DNAJC21: variants seen among roughly 807,000 people sequenced by gnomAD.
DNAJC21 encodes the protein dnaJ homolog subfamily C member 21.
DNAJC21 carries 63 observed loss-of-function variants against 72.4 expected under a neutral mutation model. That is an observed-to-expected ratio of 0.87 (90% confidence interval 0.71 to 1.07). The LOEUF (loss-of-function observed/expected upper bound fraction) is 1.07. Among genes scored for constraint, DNAJC21 ranks in the 50% least tolerant of loss-of-function variants. The probability of loss-of-function intolerance (pLI) is 0.00; values close to 1 mark genes in which losing one functional copy is unlikely to be tolerated. For synonymous variants in DNAJC21, 203 were observed against 216.7 expected, an observed-to-expected ratio of 0.94 and a Z score of 0.56; for missense variants, 634 against 644.8, an observed-to-expected ratio of 0.98 and a Z score of 0.18.
chr5:34,948,580 G>C (rs1221044855), intron 9 of DNAJC21, among the ~76,000 whole-genome samples: 2 of 152,148 alleles, frequency 1.3e-5, no homozygotes, highest in South Asian at 2.1e-4. Context: ...AAAATAGTGA[G>C]AGCTGGCCAG....
At chr5:34,937,722 A>G in intron 5 of DNAJC21, 92 bp downstream of exon 5, 1 of 1,447,480 alleles carries the variant, frequency 6.9e-7, no homozygotes, top group South Asian at 1.4e-5. Context: ...GGGTTCAGTC[A>G]TCAGCCTGGC....
At chr5:34,954,435 C>T (rs1765471976) in intron 11 of DNAJC21, 118 bp from the exon 12 acceptor site, 1 of 1,256,110 alleles carries the variant, frequency 8.0e-7, no homozygotes, top group Non-Finnish European at 1.1e-6. Context: ...TACCTGTCCA[C>T]TCTGTTAAAA....
chr5:34,956,456 T>C lies in DNAJC21; in HGVS notation c.*1742T>C, dbSNP rs1431708268. 2 of 152,216 alleles carry C rather than the reference T, an allele frequency of 1.3e-5. No homozygotes were observed. The highest frequency in any genetic ancestry group is 4.8e-5 in the African/African-American group (2 of 41,454). 9.4% of individuals were successfully genotyped at this position (152,216 alleles called of 1,614,324 possible). On this transcript the variant is annotated 3_prime_UTR_variant, in exon 12 of 12. Coordinates refer to ENST00000648817, the MANE Select transcript of DNAJC21 (RefSeq NM_001012339.3). ...CTTCAGGGGGAATACTAGGCAGTTT[T>C]GTATCTTCTGATCTCGTACCCTGAG...
chr5:34,940,060 A>G (rs1235741713), intron 6 of DNAJC21, among the ~76,000 whole-genome samples: 1 of 152,182 alleles, frequency 6.6e-6, no homozygotes, highest in Non-Finnish European at 1.5e-5. Context: ...AAGTCCTTTC[A>G]CGTACAAGCT....
chr5:34,940,661 C>T (rs1206534510), intron 6 of DNAJC21, among the ~76,000 whole-genome samples: 1 of 152,016 alleles, frequency 6.6e-6, no homozygotes, highest in South Asian at 2.1e-4. Flanking sequence ...ATGGCCTATC[C>T]GTCTTACAGT....
At chr5:34,948,045 C>G (rs1022596207) in intron 9 of DNAJC21, among the ~76,000 whole-genome samples, 4 of 152,030 alleles carry the variant, frequency 2.6e-5, no homozygotes, top group African/African-American at 7.2e-5. Flanking sequence ...CTTGACCCCT[C>G]CCCCAAAAAA....
intron 4 of DNAJC21, 132 bp downstream of exon 4, chr5:34,936,398 A>G (rs1218440840): frequency 1.9e-6 from 2 of 1,075,970 alleles, no homozygotes; most frequent in Non-Finnish European, 2.6e-6. Context: ...ATCTCACAGC[A>G]GCCTCAAACT....
Position 34,929,935 on chromosome 5 carries a change from GC to G in DNAJC21, c.97+24del. On this transcript the variant is annotated intron_variant, in intron 1 of 11. Transcript: ENST00000648817. Reference sequence around the variant, plus strand: ...CACCCGGGTAAGTACCTGTCCCGCAGCCCCCGCGGCCACTCGGAGAAGCCCG... The same window carrying G: ...CACCCGGGTAAGTACCTGTCCCGCAGCCCCGCGGCCACTCGGAGAAGCCCG... The G allele has an allele frequency of 1.9e-6, 3 of 1,541,332 alleles. No homozygotes were observed. Among genetic ancestry groups the G allele is most frequent in the East Asian group, 2.6e-5 (1 of 39,128 alleles).
At chr5:34,935,505 A>C (rs1256849328) in intron 2 of DNAJC21, among the ~76,000 whole-genome samples, 1 of 152,210 alleles carries the variant, frequency 6.6e-6, no homozygotes, top group African/African-American at 2.4e-5. Flanking sequence ...ATAATGTATC[A>C]GAAGTTGCAG....
Position 34,956,316 on chromosome 5 carries a change from A to G in DNAJC21, c.*1602A>G, listed in dbSNP as rs982514453. Reference sequence around the variant, plus strand: ...AATAAGCATTTGAACCTTAATTTAAATTCTTTTCTTTTCCATTTAGAGATA... The same window carrying G: ...AATAAGCATTTGAACCTTAATTTAAGTTCTTTTCTTTTCCATTTAGAGATA... On this transcript the variant is annotated 3_prime_UTR_variant, in exon 12 of 12. Transcript: ENST00000648817. 1 of 152,448 alleles carries G rather than the reference A, an allele frequency of 6.6e-6. No individual in the cohort carries two copies. The highest frequency in any genetic ancestry group is 2.4e-5 in the African/African-American group (1 of 41,422). The allele number at this position is 152,448 out of a possible 1,614,324, so 9.4% of individuals were successfully genotyped here. A position where few individuals can be genotyped will look rare whatever the true frequency, so the allele number is the denominator to read the frequency against.
rs1765540058 is a variant in DNAJC21 at position 34,956,388 on chromosome 5, A to G, written c.*1674A>G. The stretch of plus-strand genomic sequence containing the variant: ...ACCTTTCTATTTCTTGCTAATTTCT[A>G]TCACTAATTCCTTATAATTGTCCCT... On this transcript the variant is annotated 3_prime_UTR_variant, in exon 12 of 12. Coordinates refer to ENST00000648817, the MANE Select transcript of DNAJC21 (RefSeq NM_001012339.3). 1 of 151,988 alleles carries G rather than the reference A, an allele frequency of 6.6e-6. No homozygotes were observed. Among genetic ancestry groups the G allele is most frequent in the Non-Finnish European group, 1.5e-5 (1 of 68,014 alleles). 9.4% of individuals were successfully genotyped at this position (151,988 alleles called of 1,614,324 possible). A position where few individuals can be genotyped will look rare whatever the true frequency, so the allele number is the denominator to read the frequency against.
In DNAJC21 at chr5:34,954,644, C is replaced by A. The variant is rs771820807; in HGVS notation, c.1526C>A (p.Ala509Glu). The change falls in exon 12 of 12, where the codon GCA (alanine) becomes GAA (glutamate). Residue 509 changes from alanine (A) to glutamate (E), a missense_variant. Physicochemically the swap from Ala to Glu is moderately radical, Grantham distance 107. Coordinates refer to ENST00000648817, the MANE Select transcript of DNAJC21 (RefSeq NM_001012339.3). ...CTAAAGGCCACAGGTCATGCAAGAGCACCTTCATCATCGTCTTTAAACAGC... is the reference window on the plus strand; with the variant it reads ...CTAAAGGCCACAGGTCATGCAAGAGAACCTTCATCATCGTCTTTAAACAGC... Reference protein sequence around the residue: ...DHLKATGHARAPSSSSLNSAT... With the variant: ...DHLKATGHAREPSSSSLNSAT... 11 of 1,613,570 alleles carry A rather than the reference C, an allele frequency of 6.8e-6. No homozygotes were observed. The South Asian group carries it at 1.2e-4, about 18-fold the overall frequency.
chr5:34,932,419 CA>C (rs769907634), intron 1 of DNAJC21, among the ~76,000 whole-genome samples: 8,632 of 65,614 alleles, frequency 0.13, 217 homozygotes, highest in South Asian at 0.2. Context: ...GACTCCATCT[CA>C]AAAAAAAAAA....
rs566552631 is a variant in DNAJC21, at chr5:34,938,387, C to T, written c.744-471C>T. ...CTGACTCCAGACTTTCCTGCTTTAGCCACCGTGCAGTACTGCCTTTTGGTC... is the reference window on the plus strand; with the variant it reads ...CTGACTCCAGACTTTCCTGCTTTAGTCACCGTGCAGTACTGCCTTTTGGTC... On this transcript the variant is annotated intron_variant, in intron 5 of 11. Coordinates refer to ENST00000648817, the MANE Select transcript of DNAJC21 (RefSeq NM_001012339.3). Among the ~76,000 whole-genome samples the T allele has an allele frequency of 2.6e-4, 39 of 152,302 alleles. No individual in the cohort carries two copies. The South Asian group carries it at 7.7e-3, about 30-fold the overall frequency.
chr5:34,953,957 GA>G lies in DNAJC21; in HGVS notation c.1391del (p.Asp464ValfsTer2). 1.2e-6 allele frequency: 2 copies of G among 1,611,488 alleles called. No individual in the cohort carries two copies. The highest frequency in any genetic ancestry group is 1.7e-6 in the Non-Finnish European group (2 of 1,179,148). On this transcript the variant is annotated frameshift_variant, in exon 11 of 12. Coordinates refer to ENST00000648817, the MANE Select transcript of DNAJC21 (RefSeq NM_001012339.3). LOFTEE classifies it high-confidence loss of function. ...VPKPKGKKTK[D>X]MKKPVRVPAE... Reference sequence around the variant, plus strand: ...TAAACCCAAAGGAAAGAAAACCAAAGATATGAAAAAACCTGTCAGAGTACCT... The same window carrying G: ...TAAACCCAAAGGAAAGAAAACCAAAGTATGAAAAAACCTGTCAGAGTACCT...
At chr5:34,936,589 A>G (rs937182169) in intron 4 of DNAJC21, among the ~76,000 whole-genome samples, 15 of 152,170 alleles carry the variant, frequency 9.9e-5, no homozygotes, top group African/African-American at 3.6e-4. Context: ...GATTACAGGC[A>G]TGAGCCACAG....
intron 7 of DNAJC21, among the ~76,000 whole-genome samples, chr5:34,943,116 A>G (rs996015217): frequency 1.3e-5 from 2 of 152,222 alleles, no homozygotes; most frequent in African/African-American, 4.8e-5. Flanking sequence ...ACCATGCTAC[A>G]GTGACCAAAT....
At chr5:34,948,784 G>C (rs905781687) in intron 9 of DNAJC21, among the ~76,000 whole-genome samples, 1 of 152,034 alleles carries the variant, frequency 6.6e-6, no homozygotes, top group African/African-American at 2.4e-5. Flanking sequence ...AGAATCGTTG[G>C]AACCTGGGAG....
At chr5:34,934,579 T>C (rs1764707041) in intron 2 of DNAJC21, among the ~76,000 whole-genome samples, 2 of 152,248 alleles carry the variant, frequency 1.3e-5, no homozygotes, top group East Asian at 3.9e-4. Flanking sequence ...CTACTTTATA[T>C]GAAGAAATTG....
Sources: gnomAD v4.1 joint callset for allele counts (sites outside exome capture counted in the v4.1 genomes callset) on GRCh38, gnomAD v4.1.1 for gene constraint, MANE v1.5 for transcripts, NCBI Gene and HGNC (gene_info 2026-07-23, HGNC 2026-07-21) for gene names.